Variants in PCYT1B observed in about 807,000 individuals in gnomAD.
PCYT1B encodes the protein phosphate cytidylyltransferase 1B, choline.
PCYT1B carries 10 observed loss-of-function variants against 26.4 expected under a neutral mutation model. That is an observed-to-expected ratio of 0.38 (90% CI 0.23 to 0.64). PCYT1B has a LOEUF of 0.64. PCYT1B is among the 30% of genes least tolerant of loss of function. PCYT1B has a pLI of 0.56. For synonymous variants in PCYT1B, 131 were observed against 108.4 expected (o/e 1.21, Z -1.29); for missense variants, 161 against 292.7 (o/e 0.55, Z 3.28).
intron 1 of PCYT1B, among the ~76,000 whole-genome samples, chrX:24,635,713 A>G (rs1229165697): frequency 8.9e-6 from 1 of 111,738 alleles, no homozygotes; most frequent in East Asian, 2.8e-4. Flanking sequence ...TTGGATCTCT[A>G]AATGTTGTCA....
chrX:24,648,653 C>A (rs1268133704), upstream of PCYT1B, among the ~76,000 whole-genome samples: 1 of 108,704 alleles, frequency 9.2e-6, no homozygotes. Context: ...GCACCAACAT[C>A]AGCATCACCA....
Position 24,572,264 on chromosome X carries a change from G to GCACACA in PCYT1B, c.897+2865_897+2866insTGTGTG, listed in dbSNP as rs199723149. On this transcript the variant is annotated intron_variant, in intron 7 of 7. Transcript: ENST00000379144. The stretch of plus-strand genomic sequence containing the variant: ...TATCTGTCTACATACACACACGCGC[G>GCACACA]CGCACACACACACACACACACACAC... Among the ~76,000 whole-genome samples the GCACACA allele has an allele frequency of 2.0e-3, 205 of 101,290 alleles. 1 individual carries two copies. The highest frequency in any genetic ancestry group is 5.7e-3 in the Admixed American group (52 of 9,099). The allele number at this position is 101,290 out of a possible 115,157, so 88.0% of individuals were successfully genotyped here. A position where few individuals can be genotyped will look rare whatever the true frequency, so the allele number is the denominator to read the frequency against.
At chrX:24,567,591 T>C (rs1233177833) in intron 7 of PCYT1B, among the ~76,000 whole-genome samples, 1 of 112,448 alleles carries the variant, frequency 8.9e-6, no homozygotes, top group East Asian at 2.8e-4. Context: ...AATAATCCCA[T>C]TTATAGTCCT....
chrX:24,653,050 T>G (rs1031139524), intron 1 of PCYT1B, among the ~76,000 whole-genome samples: 3 of 112,017 alleles, frequency 2.7e-5, no homozygotes, highest in African/African-American at 9.7e-5. Flanking sequence ...ATTGCACCAC[T>G]GCACTCCAGC....
chrX:24,630,148 A>C (rs757965705), intron 1 of PCYT1B, among the ~76,000 whole-genome samples: 1 of 112,349 alleles, frequency 8.9e-6, no homozygotes, highest in Non-Finnish European at 1.9e-5. Context: ...TATAGTGAAC[A>C]TCAATAACAA....
intron 1 of PCYT1B, among the ~76,000 whole-genome samples, chrX:24,619,318 T>C (rs1421769857): frequency 3.6e-5 from 4 of 112,016 alleles, no homozygotes; most frequent in Non-Finnish European, 7.5e-5. Context: ...TCAGTGTCTA[T>C]AGTATGCCAG....
Position 24,629,452 on chromosome X carries a change from G to A in PCYT1B, c.118-10368C>T, listed in dbSNP as rs749966957. ...GTACGCCTGTAGTCCCAGCTACTCT[G>A]GAGGCTGAGGTGGGAGGATTGCTTG... is the stretch of plus-strand genomic sequence containing the variant. On this transcript the variant is annotated intron_variant, in intron 1 of 7. Coordinates refer to ENST00000379144, the MANE Select transcript of PCYT1B (RefSeq NM_004845.5). Among the ~76,000 whole-genome samples, 4 of 104,037 alleles carry A rather than the reference G, an allele frequency of 3.8e-5. No individual in the cohort carries two copies. The East Asian group carries it at 1.2e-3, about 32-fold the overall frequency. The allele number at this position is 104,037 out of a possible 115,157, so 90.3% of individuals were successfully genotyped here.
At chrX:24,595,709 G>A (rs779884992) in intron 3 of PCYT1B, among the ~76,000 whole-genome samples, 8 of 110,142 alleles carry the variant, frequency 7.3e-5, no homozygotes, top group Admixed American at 2.9e-4. Context: ...GTGAAACCCC[G>A]TCTCTACTAA....
intron 1 of PCYT1B, among the ~76,000 whole-genome samples, chrX:24,622,163 G>GA (rs1925721018): frequency 8.9e-6 from 1 of 111,834 alleles, no homozygotes. Context: ...TGGGGAGAAT[G>GA]AAAAAATAAA....
At chrX:24,605,755 T>C (rs1302802295) in intron 3 of PCYT1B, among the ~76,000 whole-genome samples, 1 of 111,126 alleles carries the variant, frequency 9.0e-6, no homozygotes, top group Non-Finnish European at 1.9e-5. Flanking sequence ...ATGCTGTCTC[T>C]ACTAAAAATA....
In PCYT1B at chrX:24,579,228, A is replaced by G; in HGVS notation, c.708+88T>C. The G allele has an allele frequency of 3.2e-6, 3 of 926,312 alleles. No homozygotes were observed. In the South Asian group the frequency reaches 6.6e-5, roughly 20 times the overall value. 76.3% of individuals were successfully genotyped at this position (926,312 alleles called of 1,213,427 possible). On this transcript the variant is annotated intron_variant, in intron 6 of 7. Transcript: ENST00000379144. The stretch of plus-strand genomic sequence containing the variant: ...GAGAGAGAGAGGGAGAACACTGCAT[A>G]GCACTTAGTAAGTGCTCAATAAACA...
At chrX:24,628,045 G>C (rs1015774893) in intron 1 of PCYT1B, among the ~76,000 whole-genome samples, 6 of 112,047 alleles carry the variant, frequency 5.4e-5, no homozygotes, top group Admixed American at 9.5e-5. Context: ...TCCAAGTGGA[G>C]ATGTCAGGTA....
chrX:24,609,921 T>A (rs1213166579), intron 2 of PCYT1B, among the ~76,000 whole-genome samples: 3 of 110,560 alleles, frequency 2.7e-5, no homozygotes, highest in African/African-American at 9.9e-5. Context: ...GGTGAAACCC[T>A]GTTTCTACTA....
chrX:24,585,740 A>G (rs757272731), intron 5 of PCYT1B, among the ~76,000 whole-genome samples: 1 of 111,957 alleles, frequency 8.9e-6, no homozygotes, highest in Non-Finnish European at 1.9e-5. Flanking sequence ...CAGTCTAAGT[A>G]CAAACCTAGA....
At chrX:24,661,291 C>A (rs1927024499) in intron 1 of PCYT1B, among the ~76,000 whole-genome samples, 1 of 111,942 alleles carries the variant, frequency 8.9e-6, no homozygotes, top group South Asian at 3.7e-4. Context: ...CTTTATTTAA[C>A]CTTTCCTATA....
intron 7 of PCYT1B, among the ~76,000 whole-genome samples, chrX:24,565,388 AG>A (rs1569235494): frequency 9.0e-6 from 1 of 111,261 alleles, no homozygotes; most frequent in Non-Finnish European, 1.9e-5. Context: ...CACAGGAGGA[AG>A]GGGGGGAAGA....
At chrX:24,608,598 T>C (rs1602177211) in intron 2 of PCYT1B, among the ~76,000 whole-genome samples, 1 of 111,281 alleles carries the variant, frequency 9.0e-6, no homozygotes, top group African/African-American at 3.3e-5. Context: ...ACTATAGTCC[T>C]TCCTAGGGAG....
chrX:24,599,865 C>G (rs1439216769), intron 3 of PCYT1B, among the ~76,000 whole-genome samples: 1 of 111,575 alleles, frequency 9.0e-6, no homozygotes, highest in East Asian at 2.8e-4. Context: ...CCAATAGATG[C>G]ATTAAAGTGA....
intron 3 of PCYT1B, among the ~76,000 whole-genome samples, chrX:24,597,080 C>T (rs971794407): frequency 2.7e-4 from 30 of 110,746 alleles, no homozygotes; most frequent in Middle Eastern, 4.3e-3. Context: ...CCTTAAACTA[C>T]GATACATATA....
Sources: allele counts gnomAD v4.1 joint callset (sites outside exome capture counted in the v4.1 genomes callset), GRCh38; gene constraint gnomAD v4.1.1; transcripts MANE v1.5; gene names NCBI Gene and HGNC (gene_info 2026-07-23, HGNC 2026-07-21).